TMPRSS6: variants seen among roughly 807,000 people sequenced by gnomAD.
TMPRSS6 encodes the protein transmembrane serine protease 6.
In TMPRSS6, 67 loss-of-function variants were observed where a neutral mutation model predicts 101.5. That is an observed-to-expected ratio of 0.66 (90% CI 0.54 to 0.81). The LOEUF (loss-of-function observed/expected upper bound fraction) is 0.81, where lower values mean the gene tolerates loss of function less well. Ranked by LOEUF, TMPRSS6 falls within the 30% of genes least tolerant of loss-of-function variation. TMPRSS6 has a pLI of 0.00. For missense variants in TMPRSS6, 1,034 were observed against 1,088.7 expected (o/e 0.95, Z 0.71); for synonymous variants, 453 against 464.9 (o/e 0.97, Z 0.33).
At chr22:37,097,619 C>CT (rs1569023021) in intron 3 of TMPRSS6, among the ~76,000 whole-genome samples, 4 of 152,218 alleles carry the variant, frequency 2.6e-5, no homozygotes, top group Non-Finnish European at 5.9e-5. Context: ...GACCAGCCTC[C>CT]GTGCAGTGAG....
In TMPRSS6 at chr22:37,086,535, G is replaced by A. The variant is rs1423076456; in HGVS notation, c.837-116C>T. On this transcript the variant is annotated intron_variant, in intron 7 of 17. Coordinates refer to ENST00000676104, the MANE Select transcript of TMPRSS6 (RefSeq NM_001374504.1). ...GGGAGTCTGGACATCTGGGTTCTGGGTCCGGGTCTCCTACCAGAGACCACT... is the reference window on the plus strand; with the variant it reads ...GGGAGTCTGGACATCTGGGTTCTGGATCCGGGTCTCCTACCAGAGACCACT... 3 of 1,133,850 alleles carry A rather than the reference G, an allele frequency of 2.6e-6. No homozygotes were observed. The East Asian group carries it at 7.7e-5, about 29-fold the overall frequency. The allele number at this position is 1,133,850 out of a possible 1,614,324, so 70.2% of individuals were successfully genotyped here. A position where few individuals can be genotyped will look rare whatever the true frequency, so the allele number is the denominator to read the frequency against.
rs772668679 is a variant in TMPRSS6 at position 37,069,242 on chromosome 22, G to T, written c.1944C>A (p.His648Gln). ...CATGGCTGTCCTCTTCGTGGTACGG[G>T]TGCAGGAGCAGGCGGCTCACCTTGA... The part of the protein sequence containing the change: ...VSFKVSRLLL[H>Q]PYHEEDSHDY... The change falls in exon 16 of 18, where the codon CAC becomes CAA. Residue 648 changes from histidine to glutamine, a missense_variant. By Grantham distance (24) the His-to-Gln change is conservative (BLOSUM62 0). Transcript: ENST00000676104. This position sits in a 1 kb window ranked among gnomAD's most constrained non-coding sequence, Gnocchi z 4.8. 7 of 1,611,292 alleles carry T rather than the reference G, an allele frequency of 4.3e-6. No individual in the cohort carries two copies. The highest frequency in any genetic ancestry group is 5.9e-6 in the Non-Finnish European group (7 of 1,179,476).
At chr22:37,093,032 C>G (rs891823715) in intron 6 of TMPRSS6, among the ~76,000 whole-genome samples, 1 of 152,208 alleles carries the variant, frequency 6.6e-6, no homozygotes, top group Non-Finnish European at 1.5e-5. Context: ...TAAAGCTCCT[C>G]CGAGGGCAGG....
chr22:37,086,311 C>A lies in TMPRSS6; in HGVS notation c.945G>T (p.Val315=). 6.2e-7 allele frequency: 1 copy of A among 1,614,140 alleles called. No homozygotes were observed. The highest frequency in any genetic ancestry group is 8.5e-7 in the Non-Finnish European group (1 of 1,180,018). ...GGAAGACCACCGGCTGCACGGAGAG[C>A]ACGAAGGGGTCGTAGTAGCTGTGCA... ...KGLHSYYDPF[V]LSVQPVVFQA... The change falls in exon 8 of 18, where the codon GTG becomes GTT. Residue 315 remains valine (V), a synonymous_variant. Coordinates refer to ENST00000676104, the MANE Select transcript of TMPRSS6 (RefSeq NM_001374504.1).
chr22:37,103,562 G>T lies in TMPRSS6; in HGVS notation c.-1-144C>A, dbSNP rs772836582. 6.2e-7 allele frequency: 1 copy of T among 1,613,812 alleles called. No homozygotes were observed. On this transcript the variant is annotated intron_variant, in intron 1 of 17. Transcript: ENST00000676104. This position sits in a 1 kb window ranked among gnomAD's most constrained non-coding sequence, Gnocchi z 4.4. ...CATCAGGCGGCAGTGACTGCAAGTGGGTGCCGAGACAGCTCACAGAGGAGG... is the reference window on the plus strand; with the variant it reads ...CATCAGGCGGCAGTGACTGCAAGTGTGTGCCGAGACAGCTCACAGAGGAGG...
chr22:37,103,571 A>G lies in TMPRSS6; in HGVS notation c.-1-153T>C. On this transcript the variant is annotated intron_variant, in intron 1 of 17. Coordinates refer to ENST00000676104, the MANE Select transcript of TMPRSS6 (RefSeq NM_001374504.1). The surrounding 1 kb of genome is among the most constrained non-coding windows in gnomAD (Gnocchi z 4.4). ...GCAGTGACTGCAAGTGGGTGCCGAGACAGCTCACAGAGGAGGGAAGTGCAT... is the reference window on the plus strand; with the variant it reads ...GCAGTGACTGCAAGTGGGTGCCGAGGCAGCTCACAGAGGAGGGAAGTGCAT... 6.2e-7 allele frequency: 1 copy of G among 1,613,608 alleles called. No homozygotes were observed.
At chr22:37,074,925 T>C (rs1370033308) in intron 11 of TMPRSS6, among the ~76,000 whole-genome samples, 1 of 152,172 alleles carries the variant, frequency 6.6e-6, no homozygotes, top group African/African-American at 2.4e-5. Flanking sequence ...TATGTATGAG[T>C]GTGTATTCCT....
upstream of TMPRSS6, among the ~76,000 whole-genome samples, chr22:37,109,801 TGGCA>T (rs1430955418): frequency 6.6e-6 from 1 of 151,980 alleles, no homozygotes; most frequent in Non-Finnish European, 1.5e-5. Context: ...CCCCAGAGGC[TGGCA>T]GGCAGGTGCG....
chr22:37,095,879 C>G, intron 5 of TMPRSS6, 27 bp downstream of exon 5: 6 of 1,613,534 alleles, frequency 3.7e-6, no homozygotes, highest in Non-Finnish European at 5.1e-6. Flanking sequence ...ATGAGGCCAA[C>G]CCCACGTTTC....
In TMPRSS6 at chr22:37,103,484, C is replaced by T. The variant is rs12484732; in HGVS notation, c.-1-66G>A. ...TTGCAAGGGAGCCTCTGCTGAGCAC[C>T]GGTGGGGCACGGAAGCAGGACTTCC... On this transcript the variant is annotated intron_variant, in intron 1 of 17. Coordinates refer to ENST00000676104, the MANE Select transcript of TMPRSS6 (RefSeq NM_001374504.1). This position sits in a 1 kb window ranked among gnomAD's most constrained non-coding sequence, Gnocchi z 4.4. The T allele has an allele frequency of 2.0e-3, 3,294 of 1,614,216 alleles. 84 individuals carry two copies. The Admixed American group carries it at 0.045, about 22-fold the overall frequency.
Position 37,074,593 on chromosome 22 carries a change from G to A in TMPRSS6, c.1441+17C>T, listed in dbSNP as rs201823626. 1.0e-4 allele frequency: 167 copies of A among 1,607,502 alleles called. No homozygotes were observed. The highest frequency in any genetic ancestry group is 1.3e-4 in the East Asian group (6 of 44,854). On this transcript the variant is annotated intron_variant, in intron 12 of 17. Coordinates refer to ENST00000676104, the MANE Select transcript of TMPRSS6 (RefSeq NM_001374504.1). The stretch of plus-strand genomic sequence containing the variant: ...GGATGGGCAGGGAGAGGAGGGATGC[G>A]CGGGCGGGTTACTCACCGCAGTTTC...
At chr22:37,091,317 G>A (rs969222459) in intron 6 of TMPRSS6, among the ~76,000 whole-genome samples, 2 of 152,216 alleles carry the variant, frequency 1.3e-5, no homozygotes, top group African/African-American at 4.8e-5. Flanking sequence ...TGAGTTTTCA[G>A]TCTGTTTTCT....
chr22:37,078,304 G>A (rs1439278344), intron 10 of TMPRSS6, among the ~76,000 whole-genome samples: 2 of 152,166 alleles, frequency 1.3e-5, no homozygotes, highest in East Asian at 3.9e-4. Flanking sequence ...CCAAGCCTTG[G>A]GCAGGGGCTG....
intron 1 of TMPRSS6, among the ~76,000 whole-genome samples, chr22:37,107,271 G>A (rs764068091): frequency 8.5e-5 from 13 of 152,226 alleles, no homozygotes; most frequent in Non-Finnish European, 1.6e-4. Flanking sequence ...CTGTGGTGGC[G>A]ACAGGGTGGC....
intron 10 of TMPRSS6, chr22:37,083,909 T>A: frequency 2.1e-6 from 1 of 476,880 alleles, no homozygotes; most frequent in Non-Finnish European, 3.7e-6. Context: ...ACGCCTTGGG[T>A]TTAGAGGGAA....
At chr22:37,098,580 G>A (rs1225787994) in intron 2 of TMPRSS6, 31 bp from the exon 3 acceptor site, 3 of 1,613,912 alleles carry the variant, frequency 1.9e-6, no homozygotes, top group Non-Finnish European at 2.5e-6. Context: ...AGGGTTAGTG[G>A]AGGAAGCAGG....
At position 37,066,006 on chromosome 22, in the gene TMPRSS6, G is replaced by A; in HGVS notation, c.*74C>T. ...TCCCCCACCCCCCGCCAGAATACTT[G>A]TCCCCCTGCTTGGCAGTTGCCCTGG... On this transcript the variant is annotated 3_prime_UTR_variant, in exon 18 of 18. Coordinates refer to ENST00000676104, the MANE Select transcript of TMPRSS6 (RefSeq NM_001374504.1). 1.3e-6 allele frequency: 2 copies of A among 1,591,708 alleles called. No individual in the cohort carries two copies. Among genetic ancestry groups the A allele is most frequent in the South Asian group, 1.1e-5 (1 of 90,368 alleles).
chr22:37,098,435 G>T lies in TMPRSS6; in HGVS notation c.317C>A (p.Thr106Asn). 6.2e-7 allele frequency: 1 copy of T among 1,613,914 alleles called. No individual in the cohort carries two copies. Among genetic ancestry groups the T allele is most frequent in the Non-Finnish European group, 8.5e-7 (1 of 1,179,996 alleles). Reference sequence around the variant, plus strand: ...TCCTACCATCTTCTGGGCTTTGGCGGTTTCACTGCGGAAGGCACTAGATTC... The same window carrying T: ...TCCTACCATCTTCTGGGCTTTGGCGTTTTCACTGCGGAAGGCACTAGATTC... Reference protein sequence around the residue: ...RRESSAFRSETAKAQKMLKEL... With the variant: ...RRESSAFRSENAKAQKMLKEL... Residue 106 changes from threonine to asparagine, a missense_variant, in exon 3 of 18, where the codon ACC becomes AAC. Transcript: ENST00000676104.
At position 37,088,688 on chromosome 22, in the gene TMPRSS6, A is replaced by C. The variant is rs866005228; in HGVS notation, c.836+890T>G. Among the ~76,000 whole-genome samples the C allele has an allele frequency of 2.0e-5, 3 of 152,144 alleles. 1 individual carries two copies. Among genetic ancestry groups the C allele is most frequent in the Non-Finnish European group, 1.5e-5 (1 of 67,998 alleles). On this transcript the variant is annotated intron_variant, in intron 7 of 17. Transcript: ENST00000676104. ...GCCCTAAAGCCCTACTTCTGTGCTC[A>C]AGAACTTTCAATAGCTCCCCACTTA...
Sources: gnomAD v4.1 joint callset for allele counts (sites outside exome capture counted in the v4.1 genomes callset) on GRCh38, gnomAD v4.1.1 for gene constraint, Gnocchi (gnomAD v3.1) non-coding constraint, MANE v1.5 for transcripts, NCBI Gene and HGNC (gene_info 2026-07-23, HGNC 2026-07-21) for gene names.